The following RBM47 variants were observed in gnomAD, a reference collection of about 807,000 sequenced individuals.
The protein encoded by RBM47 is RNA-binding protein 47.
RBM47 carries 21 observed loss-of-function variants against 47.1 expected under a neutral mutation model. The ratio of observed to expected loss-of-function variants is 0.45; its 90% CI spans 0.32 to 0.64. The LOEUF (loss-of-function observed/expected upper bound fraction) is 0.64, where lower values mean the gene tolerates loss of function less well. Among genes scored for constraint, RBM47 ranks in the 30% least tolerant of loss-of-function variants. RBM47 has a pLI of 0.05. For synonymous variants in RBM47, 375 were observed against 361.7 expected (o/e 1.04, Z -0.42); for missense variants, 708 against 870.9 (o/e 0.81, Z 2.35).
chr4:40,614,026 A>G (rs1481849221), intron 1 of RBM47, among the ~76,000 whole-genome samples: 1 of 151,952 alleles, frequency 6.6e-6, no homozygotes, highest in Non-Finnish European at 1.5e-5. Flanking sequence ...ACAACCAAAA[A>G]CATCTCCAGA....
intron 1 of RBM47, among the ~76,000 whole-genome samples, chr4:40,626,240 T>C (rs1218934527): frequency 6.6e-6 from 1 of 152,262 alleles, no homozygotes; most frequent in Non-Finnish European, 1.5e-5. Context: ...TGTTTTGTTT[T>C]GTTTTTTCAG....
chr4:40,427,004 GC>G (rs1214839207), intron 6 of RBM47: 8 of 152,242 alleles, frequency 5.3e-5, no homozygotes, highest in African/African-American at 1.9e-4. Flanking sequence ...CATGCCAGCT[GC>G]CTCAACTCAT....
chr4:40,528,719 C>T (rs1345561276), intron 2 of RBM47, among the ~76,000 whole-genome samples: 2 of 152,104 alleles, frequency 1.3e-5, no homozygotes, highest in African/African-American at 4.8e-5. Context: ...GAGCCGAGAT[C>T]GTGCCACTGC....
At chr4:40,609,742 C>T (rs573827320) in intron 1 of RBM47, among the ~76,000 whole-genome samples, 20 of 152,190 alleles carry the variant, frequency 1.3e-4, no homozygotes, top group African/African-American at 4.3e-4. Context: ...CTCTAGGTTC[C>T]GGAATCCCTC....
At chr4:40,570,443 G>A (rs201798192) in intron 1 of RBM47, among the ~76,000 whole-genome samples, 4 of 151,782 alleles carry the variant, frequency 2.6e-5, no homozygotes, top group East Asian at 1.9e-4. Context: ...GGCTTTACGC[G>A]CCTATGAGAA....
intron 1 of RBM47, among the ~76,000 whole-genome samples, chr4:40,550,048 C>A (rs1366874520): frequency 1.3e-5 from 2 of 152,100 alleles, no homozygotes; most frequent in Non-Finnish European, 2.9e-5. Context: ...GACAGTTCTC[C>A]CTCTCCATGA....
rs1717343973 is a variant in RBM47, at chr4:40,462,663, T to C, written c.-32+3914A>G. On this transcript the variant is annotated intron_variant, in intron 3 of 6. Coordinates refer to ENST00000295971, the MANE Select transcript of RBM47 (RefSeq NM_001098634.2). ...AAGCCTATACGAGGAAGAAAAATCA[T>C]TCAGAACAAATGTTGGCTTGAATAC... is the stretch of plus-strand genomic sequence containing the variant. Among the ~76,000 whole-genome samples the C allele has an allele frequency of 2.0e-5, 3 of 152,192 alleles. No individual in the cohort carries two copies. The South Asian group carries it at 6.2e-4, about 31-fold the overall frequency.
At chr4:40,594,830 A>T (rs1477015352) in intron 1 of RBM47, among the ~76,000 whole-genome samples, 3 of 151,800 alleles carry the variant, frequency 2.0e-5, no homozygotes, top group Non-Finnish European at 4.4e-5. Context: ...CTCTACCTTG[A>T]TTTTTTACCT....
intron 2 of RBM47, among the ~76,000 whole-genome samples, chr4:40,475,048 CTA>C (rs1396427538): frequency 9.1e-4 from 139 of 152,062 alleles, no homozygotes; most frequent in Non-Finnish European, 2.8e-4. Flanking sequence ...TAAAATATAA[CTA>C]AACAATTATT....
chr4:40,523,389 G>A (rs146116838), intron 2 of RBM47, among the ~76,000 whole-genome samples: 59 of 150,744 alleles, frequency 3.9e-4, no homozygotes, highest in African/African-American at 1.3e-3. Flanking sequence ...GGTGGCTCAC[G>A]CCTATAATCC....
chr4:40,428,061 C>T (rs1322213592), intron 6 of RBM47, among the ~76,000 whole-genome samples: 4 of 151,990 alleles, frequency 2.6e-5, no homozygotes, highest in African/African-American at 7.2e-5. Flanking sequence ...CATGGCGGTG[C>T]GTACTCCTGT....
At chr4:40,592,713 C>T (rs1305699063) in intron 1 of RBM47, among the ~76,000 whole-genome samples, 3 of 150,126 alleles carry the variant, frequency 2.0e-5, no homozygotes, top group East Asian at 4.0e-4. Flanking sequence ...CATGAGCCAC[C>T]GCGCCTGGCC....
At chr4:40,444,645 A>G (rs942512579) in intron 3 of RBM47, among the ~76,000 whole-genome samples, 13 of 150,914 alleles carry the variant, frequency 8.6e-5, no homozygotes, top group African/African-American at 3.2e-4. Flanking sequence ...ACTTAATTTC[A>G]GGACTAATTT....
chr4:40,624,828 A>G (rs1442991599), intron 1 of RBM47, among the ~76,000 whole-genome samples: 1 of 150,182 alleles, frequency 6.7e-6, no homozygotes, highest in East Asian at 1.9e-4. Flanking sequence ...ACAAAAAGAA[A>G]TATTATTTAA....
Position 40,436,611 on chromosome 4 carries a change from C to A in RBM47, c.1160G>T (p.Gly387Val). The A allele has an allele frequency of 6.2e-7, 1 of 1,614,158 alleles. No individual in the cohort carries two copies. Among genetic ancestry groups the A allele is most frequent in the Non-Finnish European group, 8.5e-7 (1 of 1,180,028 alleles). Reference protein sequence around the residue: ...SIRGRGRGAAGNRAPGPRGSY... With the variant: ...SIRGRGRGAAVNRAPGPRGSY... Reference sequence around the variant, plus strand: ...ACCCCTAGGCCCTGGGGCTCTGTTGCCAGCTGCACCTCGCCCTCGGCCTCT... The same window carrying A: ...ACCCCTAGGCCCTGGGGCTCTGTTGACAGCTGCACCTCGCCCTCGGCCTCT... The change falls in exon 5 of 7, where the codon GGC becomes GTC. Residue 387 changes from glycine to valine, a missense_variant. Transcript: ENST00000295971.
intron 6 of RBM47, chr4:40,427,711 T>C (rs1192668115): frequency 6.6e-6 from 1 of 152,180 alleles, no homozygotes; most frequent in Admixed American, 6.5e-5. Flanking sequence ...TAATTATTTC[T>C]TCCTGGATTT....
chr4:40,569,766 A>G (rs976717850), intron 1 of RBM47, among the ~76,000 whole-genome samples: 7 of 148,914 alleles, frequency 4.7e-5, no homozygotes, highest in African/African-American at 1.5e-4. Context: ...GTTGGAGTGC[A>G]GTGCCGCAAT....
chr4:40,512,580 T>C (rs1725078752), intron 2 of RBM47, among the ~76,000 whole-genome samples: 1 of 147,154 alleles, frequency 6.8e-6, no homozygotes, highest in South Asian at 2.1e-4. Flanking sequence ...CTGGAGATGA[T>C]GGTGGCTGCC....
chr4:40,451,875 A>G (rs1560376382), intron 3 of RBM47, among the ~76,000 whole-genome samples: 1 of 152,164 alleles, frequency 6.6e-6, no homozygotes, highest in Non-Finnish European at 1.5e-5. Context: ...GGGTAGATGA[A>G]GAAGGAAGGG....
Sources: allele counts gnomAD v4.1 joint callset (sites outside exome capture counted in the v4.1 genomes callset), GRCh38; gene constraint gnomAD v4.1.1; transcripts MANE v1.5; gene names NCBI Gene and HGNC (gene_info 2026-07-23, HGNC 2026-07-21).